Variants in PIK3C2A observed in about 807,000 individuals in gnomAD.
The protein encoded by PIK3C2A is phosphatidylinositol-4-phosphate 3-kinase catalytic subunit type 2 alpha, also known as phosphatidylinositol 4-phosphate 3-kinase C2 domain-containing subunit alpha.
A neutral mutation model predicts 204.5 loss-of-function variants in PIK3C2A; 97 were observed. That is an observed-to-expected ratio of 0.47 (90% confidence interval 0.40 to 0.56). The LOEUF (loss-of-function observed/expected upper bound fraction) is 0.56. Among genes scored for constraint, PIK3C2A ranks in the 20% least tolerant of loss-of-function variants. PIK3C2A has a pLI of 0.00. For synonymous variants in PIK3C2A, 653 were observed against 664.4 expected (o/e 0.98, Z 0.26); for missense variants, 1,735 against 1,969.2 (o/e 0.88, Z 2.25).
intron 15 of PIK3C2A, among the ~76,000 whole-genome samples, chr11:17,121,828 T>C (rs1430560060): frequency 1.3e-5 from 2 of 152,022 alleles, no homozygotes; most frequent in African/African-American, 4.8e-5. Flanking sequence ...ATCTTATTAA[T>C]AAGAAAAAGT....
At position 17,149,572 on chromosome 11, in the gene PIK3C2A, G is replaced by C. The variant is rs183745149; in HGVS notation, c.1328-785C>G. ...CATTTTAAATGTTTGACATTTGCCT[G>C]GTATATTTTCCAATGAAAAATAAAA... On this transcript the variant is annotated intron_variant, in intron 4 of 32. Transcript: ENST00000691414. Among the ~76,000 whole-genome samples the C allele has an allele frequency of 7.2e-4, 109 of 152,090 alleles. 1 individual carries two copies. The highest frequency in any genetic ancestry group is 3.4e-3 in the Middle Eastern group (1 of 294).
chr11:17,105,483 C>G (rs1270706140), intron 22 of PIK3C2A, among the ~76,000 whole-genome samples, 178 bp from the exon 23 acceptor site: 1 of 152,172 alleles, frequency 6.6e-6, no homozygotes, highest in Non-Finnish European at 1.5e-5. Context: ...CACCTACCAA[C>G]CCGTCATCTA....
Position 17,119,317 on chromosome 11 carries a change from G to A in PIK3C2A, c.2847-4C>T. On this transcript the variant is annotated splice_polypyrimidine_tract_variant and splice_region_variant and intron_variant, in intron 16 of 32. Transcript: ENST00000691414. ...TCTTACTTCCTGATCAGCAAATCTAGAAGATTACCATAAAACCAAGATTGG... is the reference window on the plus strand; with the variant it reads ...TCTTACTTCCTGATCAGCAAATCTAAAAGATTACCATAAAACCAAGATTGG... The A allele has an allele frequency of 6.4e-7, 1 of 1,565,776 alleles. No homozygotes were observed. The highest frequency in any genetic ancestry group is 8.8e-7 in the Non-Finnish European group (1 of 1,137,732).
In PIK3C2A at chr11:17,124,977, ATACT is replaced by A. The variant is rs547691002; in HGVS notation, c.2400-2168_2400-2165del. Among the ~76,000 whole-genome samples, 75 of 152,342 alleles carry A rather than the reference ATACT, an allele frequency of 4.9e-4. 1 individual carries two copies. Among genetic ancestry groups the A allele is most frequent in the Non-Finnish European group, 3.7e-4 (25 of 68,036 alleles). On this transcript the variant is annotated intron_variant, in intron 13 of 32. Coordinates refer to ENST00000691414, the MANE Select transcript of PIK3C2A (RefSeq NM_002645.4). ...ATTCAGATTTAGTTCTTTGGCAAGA[ATACT>A]TACTATTTTGCAGTTGGTATTGTAT...
intron 3 of PIK3C2A, among the ~76,000 whole-genome samples, chr11:17,154,354 A>T (rs1850517256): frequency 6.6e-6 from 1 of 152,204 alleles, no homozygotes; most frequent in Non-Finnish European, 1.5e-5. Context: ...GCTGGTTAAA[A>T]GGTAACATAA....
chr11:17,087,657 C>T lies in PIK3C2A; in HGVS notation c.*2081G>A, dbSNP rs1848191389. 6.6e-6 allele frequency: 1 copy of T among 152,162 alleles called. No homozygotes were observed. The highest frequency in any genetic ancestry group is 2.1e-4 in the South Asian group (1 of 4,838). The allele number at this position is 152,162 out of a possible 1,614,324, so 9.4% of individuals were successfully genotyped here. On this transcript the variant is annotated 3_prime_UTR_variant, in exon 33 of 33. Coordinates refer to ENST00000691414, the MANE Select transcript of PIK3C2A (RefSeq NM_002645.4). ...TGTTTGTTTGTTTGTTTTTAAATTA[C>T]AGTGGCTAAGTGATAACTGGTGGAA... is the stretch of plus-strand genomic sequence containing the variant.
At chr11:17,091,762 A>C in intron 30 of PIK3C2A, 106 bp from the exon 31 acceptor site, 1 of 758,938 alleles carries the variant, frequency 1.3e-6, no homozygotes, top group Non-Finnish European at 2.1e-6. Flanking sequence ...GTGCGGACAG[A>C]AGGGAGGGGA....
Position 17,086,843 on chromosome 11 carries a change from T to C in PIK3C2A, c.*2895A>G, listed in dbSNP as rs1652164045. The C allele has an allele frequency of 6.6e-6, 1 of 152,198 alleles. No homozygotes were observed. The highest frequency in any genetic ancestry group is 2.1e-4 in the South Asian group (1 of 4,832). The allele number at this position is 152,198 out of a possible 1,614,324, so 9.4% of individuals were successfully genotyped here. ...CTGAAGTCTAAGTTTCAAAAGTGAA[T>C]GTTTTCTTTTTTAAATGTCACAATA... On this transcript the variant is annotated 3_prime_UTR_variant, in exon 33 of 33. Coordinates refer to ENST00000691414, the MANE Select transcript of PIK3C2A (RefSeq NM_002645.4).
At chr11:17,132,432 C>T (rs963451140) in intron 11 of PIK3C2A, among the ~76,000 whole-genome samples, 2 of 150,722 alleles carry the variant, frequency 1.3e-5, no homozygotes, top group South Asian at 4.2e-4. Context: ...CGGGTTCACG[C>T]CATTCTCCTG....
chr11:17,189,540 G>A (rs1346587945), intron 1 of PIK3C2A, among the ~76,000 whole-genome samples: 1 of 145,920 alleles, frequency 6.9e-6, no homozygotes, highest in East Asian at 1.9e-4. Flanking sequence ...GCTTGAACTT[G>A]GGAGGCAGAG....
intron 1 of PIK3C2A, among the ~76,000 whole-genome samples, chr11:17,176,436 C>T (rs1042994049): frequency 4.0e-5 from 6 of 148,912 alleles, no homozygotes; most frequent in African/African-American, 1.5e-4. Flanking sequence ...GCAACATGGC[C>T]AGACCCTATC....
intron 1 of PIK3C2A, among the ~76,000 whole-genome samples, chr11:17,192,531 T>G (rs1427058558): frequency 6.6e-6 from 1 of 152,156 alleles, no homozygotes; most frequent in Non-Finnish European, 1.5e-5. Context: ...CACTACAACC[T>G]CCATCTCCAG....
intron 1 of PIK3C2A, among the ~76,000 whole-genome samples, chr11:17,190,709 T>A (rs1851911010): frequency 6.6e-6 from 1 of 151,838 alleles, no homozygotes; most frequent in Non-Finnish European, 1.5e-5. Context: ...GAAAAATATA[T>A]TCAAAATCAA....
chr11:17,104,881 A>G (rs1312632383), intron 23 of PIK3C2A, among the ~76,000 whole-genome samples: 1 of 152,054 alleles, frequency 6.6e-6, no homozygotes, highest in Non-Finnish European at 1.5e-5. Context: ...TTCCTCCAAG[A>G]TCTTTGGGAA....
chr11:17,200,291 CA>C (rs1183450266), intron 1 of PIK3C2A, among the ~76,000 whole-genome samples: 1 of 151,978 alleles, frequency 6.6e-6, no homozygotes, highest in Non-Finnish European at 1.5e-5. Flanking sequence ...TGACCATTAG[CA>C]AAAATTAGTA....
chr11:17,117,680 G>C lies in PIK3C2A; in HGVS notation c.3036-9C>G. 2.9e-6 allele frequency: 3 copies of C among 1,027,448 alleles called. No individual in the cohort carries two copies. The highest frequency in any genetic ancestry group is 4.3e-6 in the Non-Finnish European group (3 of 699,598). 63.6% of individuals were successfully genotyped at this position (1,027,448 alleles called of 1,614,324 possible). ...GGGCATCTTTGAGAAGCCTAATACA[G>C]CAAAATATTTATGTTAGTCACGTCT... On this transcript the variant is annotated splice_polypyrimidine_tract_variant and intron_variant, in intron 18 of 32. Transcript: ENST00000691414.
chr11:17,111,727 A>G (rs953028663), intron 21 of PIK3C2A, among the ~76,000 whole-genome samples: 1 of 151,860 alleles, frequency 6.6e-6, no homozygotes, highest in Non-Finnish European at 1.5e-5. Context: ...AAATAAAAAA[A>G]TTAGTTGGAC....
At chr11:17,179,236 A>G (rs911855118) in intron 1 of PIK3C2A, among the ~76,000 whole-genome samples, 1 of 152,096 alleles carries the variant, frequency 6.6e-6, no homozygotes, top group South Asian at 2.1e-4. Context: ...ATCATAGCTC[A>G]CCGTAACCTA....
In PIK3C2A at chr11:17,132,475, G is replaced by A. The variant is rs1306451010; in HGVS notation, c.2109-437C>T. ...CTCCCGAGTAGCTGGGACTACAGGC[G>A]CCCGCCACCGCGCCCGGCTAATTTT... is the stretch of plus-strand genomic sequence containing the variant. On this transcript the variant is annotated intron_variant, in intron 11 of 32. Coordinates refer to ENST00000691414, the MANE Select transcript of PIK3C2A (RefSeq NM_002645.4). Among the ~76,000 whole-genome samples the A allele has an allele frequency of 5.3e-5, 8 of 151,262 alleles. 1 individual carries two copies. The highest frequency in any genetic ancestry group is 1.2e-4 in the African/African-American group (5 of 41,288).
Sources: gnomAD v4.1 joint callset for allele counts (sites outside exome capture counted in the v4.1 genomes callset) on GRCh38, gnomAD v4.1.1 for gene constraint, MANE v1.5 for transcripts, NCBI Gene and HGNC (gene_info 2026-07-23, HGNC 2026-07-21) for gene names.